The following SPAG16 variants were observed in gnomAD, a reference collection of about 807,000 sequenced individuals.
The protein encoded by SPAG16 is sperm associated antigen 16.
A neutral mutation model predicts 80.4 loss-of-function variants in SPAG16; 86 were observed. That is an observed-to-expected ratio of 1.07 (90% CI 0.90 to 1.28). The LOEUF (loss-of-function observed/expected upper bound fraction) is 1.28. Ranked by LOEUF, SPAG16 falls within the 50% of genes most tolerant of loss-of-function variation. SPAG16 has a pLI of 0.00. For missense variants in SPAG16, 870 were observed against 765.3 expected, an observed-to-expected ratio of 1.14 and a Z score of -1.61; for synonymous variants, 294 against 265.9, an observed-to-expected ratio of 1.11 and a Z score of -1.03.
intron 10 of SPAG16, among the ~76,000 whole-genome samples, chr2:213,837,409 A>G (rs2074141770): frequency 6.6e-6 from 1 of 152,210 alleles, no homozygotes; most frequent in Non-Finnish European, 1.5e-5. Context: ...AATGACTCCC[A>G]ATTATGCCAA....
chr2:213,849,887 A>G (rs1165716930), intron 10 of SPAG16, among the ~76,000 whole-genome samples: 1 of 152,346 alleles, frequency 6.6e-6, no homozygotes, highest in African/African-American at 2.4e-5. Context: ...AAACTTTATT[A>G]TTGAAATGGG....
chr2:213,776,479 T>G (rs1335571157), intron 10 of SPAG16, among the ~76,000 whole-genome samples: 1 of 152,210 alleles, frequency 6.6e-6, no homozygotes, highest in South Asian at 2.1e-4. Flanking sequence ...TGACTGCTAA[T>G]CTATAGAAGT....
intron 10 of SPAG16, among the ~76,000 whole-genome samples, chr2:213,795,573 A>G (rs1387351958): frequency 6.6e-6 from 1 of 152,162 alleles, no homozygotes; most frequent in Non-Finnish European, 1.5e-5. Flanking sequence ...ACTTGGTGAT[A>G]CGGTCTGGAT....
intron 15 of SPAG16, among the ~76,000 whole-genome samples, chr2:214,362,972 T>C (rs1422411727): frequency 6.6e-6 from 1 of 151,938 alleles, no homozygotes; most frequent in Non-Finnish European, 1.5e-5. Context: ...ATATTTGTCT[T>C]CCTTCAATGT....
chr2:213,765,080 A>C (rs963861299), intron 10 of SPAG16, among the ~76,000 whole-genome samples: 2 of 152,212 alleles, frequency 1.3e-5, no homozygotes, highest in African/African-American at 4.8e-5. Context: ...TTAACATTAA[A>C]ACAGAGGCCG....
chr2:213,475,039 C>T (rs536884304), intron 9 of SPAG16, among the ~76,000 whole-genome samples: 1 of 152,282 alleles, frequency 6.6e-6, no homozygotes, highest in South Asian at 2.1e-4. Context: ...AAGCTCTTCC[C>T]CTTGCTTGGC....
chr2:213,523,827 C>G (rs1405887097), intron 10 of SPAG16, among the ~76,000 whole-genome samples: 1 of 152,158 alleles, frequency 6.6e-6, no homozygotes, highest in Non-Finnish European at 1.5e-5. Flanking sequence ...AGATGACTTA[C>G]AGTGTCTAGC....
intron 6 of SPAG16, among the ~76,000 whole-genome samples, chr2:213,347,318 G>T (rs1401389889): frequency 6.6e-6 from 1 of 151,828 alleles, no homozygotes; most frequent in Admixed American, 6.6e-5. Context: ...CAATTTTGTT[G>T]ATCTTTTCAA....
intron 15 of SPAG16, among the ~76,000 whole-genome samples, chr2:214,222,160 A>G (rs1265148927): frequency 7.8e-6 from 1 of 127,650 alleles, no homozygotes; most frequent in African/African-American, 2.9e-5. Flanking sequence ...CGTCTCACTC[A>G]GGCTGGAGTG....
intron 11 of SPAG16, among the ~76,000 whole-genome samples, chr2:213,899,558 A>G (rs1290124953): frequency 6.6e-6 from 1 of 152,136 alleles, no homozygotes; most frequent in Non-Finnish European, 1.5e-5. Flanking sequence ...GAATTCTGTG[A>G]TACATGACAC....
intron 13 of SPAG16, among the ~76,000 whole-genome samples, chr2:214,047,397 C>T (rs1266345392): frequency 6.6e-6 from 1 of 152,084 alleles, no homozygotes; most frequent in African/African-American, 2.4e-5. Flanking sequence ...CACACACCTA[C>T]AGTGAACTCA....
chr2:214,226,740 G>A (rs1299275706), intron 15 of SPAG16, among the ~76,000 whole-genome samples: 3 of 151,976 alleles, frequency 2.0e-5, no homozygotes, highest in African/African-American at 7.2e-5. Flanking sequence ...AAAAATAAGA[G>A]ATACAAGACA....
chr2:213,334,839 A>G (rs2124904554), intron 5 of SPAG16, among the ~76,000 whole-genome samples: 1 of 152,224 alleles, frequency 6.6e-6, no homozygotes, highest in African/African-American at 2.4e-5. Context: ...TGAGCCAGGG[A>G]TGGTTAATGG....
intron 15 of SPAG16, among the ~76,000 whole-genome samples, chr2:214,282,066 A>G (rs577742399): frequency 6.6e-6 from 1 of 152,192 alleles, no homozygotes; most frequent in Non-Finnish European, 1.5e-5. Flanking sequence ...GGTGATGGAT[A>G]TGTTTACTAT....
At chr2:214,276,001 GGATA>G (rs1316904067) in intron 15 of SPAG16, among the ~76,000 whole-genome samples, 1 of 152,112 alleles carries the variant, frequency 6.6e-6, no homozygotes, top group African/African-American at 2.4e-5. Flanking sequence ...TATATATTTA[GGATA>G]GTTAGCTCTT....
At chr2:213,567,567 A>C (rs2059818628) in intron 10 of SPAG16, among the ~76,000 whole-genome samples, 1 of 105,676 alleles carries the variant, frequency 9.5e-6, no homozygotes. Flanking sequence ...TGAACTCATC[A>C]TTTTTTATGG....
At chr2:214,368,318 A>G (rs187189293) in intron 15 of SPAG16, among the ~76,000 whole-genome samples, 9 of 152,032 alleles carry the variant, frequency 5.9e-5, no homozygotes, top group African/African-American at 1.9e-4. Flanking sequence ...TTCTTATCAA[A>G]CTTTTCTACT....
chr2:213,856,443 G>A (rs10932504), intron 10 of SPAG16, among the ~76,000 whole-genome samples: 52,437 of 152,072 alleles, frequency 0.34, 9,488 homozygotes, highest in South Asian at 0.47. Flanking sequence ...TTACAGCTCC[G>A]TTAGGCAATG....
At chr2:213,468,636 A>AATATCTCCT (rs201597043) in intron 9 of SPAG16, among the ~76,000 whole-genome samples, 3,077 of 141,914 alleles carry the variant, frequency 0.022, 48 homozygotes, top group African/African-American at 0.036. Flanking sequence ...TATATAAAAT[A>AATATCTCCT]ATATCTCCTA....
Sources: gnomAD v4.1 joint callset for allele counts (sites outside exome capture counted in the v4.1 genomes callset) on GRCh38, gnomAD v4.1.1 for gene constraint, MANE v1.5 for transcripts, NCBI Gene and HGNC (gene_info 2026-07-23, HGNC 2026-07-21) for gene names.